Variants in RANBP17 observed in about 807,000 individuals in gnomAD.
The protein encoded by RANBP17 is RAN binding protein 17.
A neutral mutation model predicts 141.2 loss-of-function variants in RANBP17; 158 were observed. The ratio of observed to expected loss-of-function variants is 1.12; its 90% confidence interval spans 0.98 to 1.28. The LOEUF (loss-of-function observed/expected upper bound fraction) is 1.28, where lower values mean the gene tolerates loss of function less well. Ranked by LOEUF, RANBP17 falls within the 50% of genes most tolerant of loss-of-function variation. The pLI, the probability that RANBP17 is intolerant of heterozygous loss-of-function variation, is 0.00. For synonymous variants in RANBP17, 430 were observed against 450.0 expected (o/e 0.96, Z 0.56); for missense variants, 1,438 against 1,290.7 (o/e 1.11, Z -1.75).
chr5:171,145,544 A>G (rs1157024159), intron 14 of RANBP17, among the ~76,000 whole-genome samples: 1 of 152,132 alleles, frequency 6.6e-6, no homozygotes, highest in Non-Finnish European at 1.5e-5. Flanking sequence ...CCATACTTTT[A>G]TCAACAGCTG....
chr5:170,879,351 A>C (rs1768467004), intron 2 of RANBP17, among the ~76,000 whole-genome samples: 1 of 152,128 alleles, frequency 6.6e-6, no homozygotes, highest in African/African-American at 2.4e-5. Context: ...GGGAGCTCTT[A>C]ATTGCACAGT....
intron 14 of RANBP17, among the ~76,000 whole-genome samples, chr5:170,991,033 CT>C (rs1413792852): frequency 6.6e-6 from 1 of 151,884 alleles, no homozygotes; most frequent in South Asian, 2.1e-4. Flanking sequence ...AAATTTGTTA[CT>C]TTTTGTGTGG....
At chr5:171,209,554 C>G (rs923773269) in intron 20 of RANBP17, among the ~76,000 whole-genome samples, 2 of 152,062 alleles carry the variant, frequency 1.3e-5, no homozygotes, top group Admixed American at 6.5e-5. Context: ...AATGATTGCT[C>G]TTTAGAAGCC....
intron 25 of RANBP17, among the ~76,000 whole-genome samples, chr5:171,272,475 G>A (rs1024373322): frequency 2.0e-5 from 3 of 152,098 alleles, no homozygotes; most frequent in African/African-American, 4.8e-5. Flanking sequence ...TTGTGAAGGT[G>A]TAGTATTATC....
At chr5:170,881,728 G>A in intron 2 of RANBP17, 78 bp from the exon 3 acceptor site, 1 of 1,027,132 alleles carries the variant, frequency 9.7e-7, no homozygotes, top group Non-Finnish European at 1.4e-6. Context: ...TTCTGTTATT[G>A]CTTAGAAGAA....
intron 14 of RANBP17, among the ~76,000 whole-genome samples, chr5:171,110,824 C>G (rs542976721): frequency 4.0e-5 from 6 of 151,364 alleles, no homozygotes; most frequent in African/African-American, 1.2e-4. Context: ...TCTACCTGGA[C>G]TCCCCTCTCT....
chr5:171,294,943 T>C (rs1768727509), intron 26 of RANBP17, among the ~76,000 whole-genome samples: 1 of 152,228 alleles, frequency 6.6e-6, no homozygotes, highest in Admixed American at 6.5e-5. Context: ...AGTCACTGCA[T>C]CATTATAAAA....
At chr5:171,194,452 A>G (rs1761843707) in intron 18 of RANBP17, among the ~76,000 whole-genome samples, 1 of 152,160 alleles carries the variant, frequency 6.6e-6, no homozygotes, top group Admixed American at 6.5e-5. Flanking sequence ...TATAAATGGA[A>G]TCATACAATT....
At chr5:171,286,018 A>T (rs1219262233) in intron 25 of RANBP17, among the ~76,000 whole-genome samples, 1 of 152,222 alleles carries the variant, frequency 6.6e-6, no homozygotes, top group African/African-American at 2.4e-5. Context: ...ACTAGGGGTA[A>T]TGTTGGTAAT....
intron 25 of RANBP17, among the ~76,000 whole-genome samples, chr5:171,287,124 G>A (rs1284489803): frequency 6.6e-6 from 1 of 152,164 alleles, no homozygotes; most frequent in Non-Finnish European, 1.5e-5. Context: ...CAGAATGAAG[G>A]ACAATCTAGC....
intron 25 of RANBP17, among the ~76,000 whole-genome samples, chr5:171,277,637 G>GTATGTATATGTATATGTATATA (rs1554127913): frequency 3.5e-5 from 2 of 56,904 alleles, no homozygotes; most frequent in African/African-American, 5.8e-5. Flanking sequence ...ATATATGTAT[G>GTATGTATATGTATATGTATATA]TATATATATA....
At chr5:171,041,094 G>A (rs1782221196) in intron 14 of RANBP17, among the ~76,000 whole-genome samples, 1 of 152,066 alleles carries the variant, frequency 6.6e-6, no homozygotes, top group Admixed American at 6.6e-5. Context: ...GTTGACAGGA[G>A]GCCTCACCTC....
chr5:171,295,190 T>G (rs569511405), intron 26 of RANBP17, among the ~76,000 whole-genome samples: 1 of 152,132 alleles, frequency 6.6e-6, no homozygotes, highest in African/African-American at 2.4e-5. Flanking sequence ...TTAGGCTGTT[T>G]CCAATGATTA....
At chr5:170,925,717 T>G (rs2122891) in intron 12 of RANBP17, among the ~76,000 whole-genome samples, 104,601 of 151,936 alleles carry the variant, frequency 0.69, 36,166 homozygotes, top group South Asian at 0.9. Flanking sequence ...CTTTTCTTCA[T>G]TATTACCACA....
chr5:170,891,348 G>A (rs1455031483), intron 3 of RANBP17, among the ~76,000 whole-genome samples: 1 of 152,150 alleles, frequency 6.6e-6, no homozygotes, highest in Non-Finnish European at 1.5e-5. Flanking sequence ...CAGCTTGTGA[G>A]TTATTGTAAA....
chr5:171,119,991 C>T (rs1755906920), intron 14 of RANBP17, among the ~76,000 whole-genome samples: 1 of 143,154 alleles, frequency 7.0e-6, no homozygotes. Flanking sequence ...GAGCCGAGAT[C>T]GAGCCATTGC....
At chr5:171,108,096 T>G (rs1754975506) in intron 14 of RANBP17, among the ~76,000 whole-genome samples, 1 of 151,898 alleles carries the variant, frequency 6.6e-6, no homozygotes, top group African/African-American at 2.4e-5. Context: ...GATATTATAA[T>G]TTACTCATCT....
At position 171,024,144 on chromosome 5, in the gene RANBP17, CAG is replaced by C. The variant is rs527564745; in HGVS notation, c.1710+55769_1710+55770del. Among the ~76,000 whole-genome samples the C allele has an allele frequency of 2.2e-3, 330 of 152,170 alleles. 2 individuals carry two copies. Among genetic ancestry groups the C allele is most frequent in the Middle Eastern group, 3.4e-3 (1 of 294 alleles). On this transcript the variant is annotated intron_variant, in intron 14 of 27. Coordinates refer to ENST00000523189, the MANE Select transcript of RANBP17 (RefSeq NM_022897.5). ...CATGAAATTTGCATTCCATTGGAAT[CAG>C]AAACATTTAATAACTGCAAATCAAA...
chr5:171,151,975 G>A (rs1257204054), intron 14 of RANBP17, among the ~76,000 whole-genome samples: 2 of 152,214 alleles, frequency 1.3e-5, no homozygotes, highest in East Asian at 1.9e-4. Context: ...ATATGAGGGC[G>A]GAGGGCAGTT....
Sources: allele counts gnomAD v4.1 joint callset (sites outside exome capture counted in the v4.1 genomes callset), GRCh38; gene constraint gnomAD v4.1.1; transcripts MANE v1.5; gene names NCBI Gene and HGNC (gene_info 2026-07-23, HGNC 2026-07-21).